Variants in MORC1 observed in about 807,000 individuals in gnomAD.
The protein encoded by MORC1 is MORC family CW-type zinc finger protein 1.
MORC1 carries 59 observed loss-of-function variants against 134.9 expected under a neutral mutation model. The observed-to-expected ratio is 0.44, with a 90% CI of 0.35 to 0.54. The LOEUF (loss-of-function observed/expected upper bound fraction) is 0.54, where lower values mean the gene tolerates loss of function less well. MORC1 is among the 20% of genes least tolerant of loss of function. MORC1 has a pLI of 0.00. For synonymous variants in MORC1, 395 were observed against 391.7 expected, an observed-to-expected ratio of 1.01 and a Z score of -0.10; for missense variants, 947 against 1,134.5, an observed-to-expected ratio of 0.83 and a Z score of 2.37.
chr3:109,111,560 A>G (rs989572051), intron 2 of MORC1, among the ~76,000 whole-genome samples: 34 of 152,310 alleles, frequency 2.2e-4, no homozygotes, highest in African/African-American at 7.9e-4. Context: ...ATTATTTTTA[A>G]AAGTAAAATT....
chr3:109,068,814 G>A (rs115602469), intron 9 of MORC1, among the ~76,000 whole-genome samples: 1 of 152,150 alleles, frequency 6.6e-6, no homozygotes, highest in Non-Finnish European at 1.5e-5. Context: ...GGCATGCATG[G>A]TTGGAAAAAA....
At chr3:109,005,966 T>C (rs929680983) in intron 18 of MORC1, among the ~76,000 whole-genome samples, 1 of 152,158 alleles carries the variant, frequency 6.6e-6, no homozygotes, top group Admixed American at 6.5e-5. Flanking sequence ...CACCAACATT[T>C]TGTAAAGTTA....
rs538930292 is a variant in MORC1 at position 108,969,819 on chromosome 3, A to T, written c.2551-97T>A. On this transcript the variant is annotated intron_variant, in intron 25 of 27. Coordinates refer to ENST00000232603, the MANE Select transcript of MORC1 (RefSeq NM_014429.4). ...CACACAAGCATTGAGTATAAAAAGCATCAAAGCCTAGAACTGGCCAACATT... is the reference window on the plus strand; with the variant it reads ...CACACAAGCATTGAGTATAAAAAGCTTCAAAGCCTAGAACTGGCCAACATT... 546 of 1,235,750 alleles carry T rather than the reference A, an allele frequency of 4.4e-4. 8 individuals carry two copies. The South Asian group carries it at 6.5e-3, about 15-fold the overall frequency. The allele number at this position is 1,235,750 out of a possible 1,614,324, so 76.5% of individuals were successfully genotyped here. A position where few individuals can be genotyped will look rare whatever the true frequency, so the allele number is the denominator to read the frequency against.
intron 17 of MORC1, among the ~76,000 whole-genome samples, chr3:109,022,356 T>C (rs747020986): frequency 6.6e-6 from 1 of 152,232 alleles, no homozygotes; most frequent in African/African-American, 2.4e-5. Context: ...AGATACGCCA[T>C]TCAATCTGAA....
At position 109,007,039 on chromosome 3, in the gene MORC1, G is replaced by T; in HGVS notation, c.1757C>A (p.Ser586Ter). 1 of 1,611,810 alleles carries T rather than the reference G, an allele frequency of 6.2e-7. No individual in the cohort carries two copies. The change falls in exon 18 of 28, where the codon TCA (serine) becomes TAA (stop). Residue 586 changes from serine (S) to a stop codon, truncating the protein, a stop_gained. Transcript: ENST00000232603. LOFTEE classifies it high-confidence loss of function. Reference protein sequence around the residue: ...EITVTSTCLTSAHKENTKTQK... With the variant: ...EITVTSTCLT ...ATATTAATTACTCACCTTATGTGCT[G>T]AAGTTAGGCAGGTGGAAGTGACAGT...
chr3:108,992,068 C>G lies in MORC1; in HGVS notation c.2188-5119G>C, dbSNP rs1003443611. Among the ~76,000 whole-genome samples the G allele has an allele frequency of 6.6e-5, 10 of 151,938 alleles. 1 individual carries two copies. Among genetic ancestry groups the G allele is most frequent in the African/African-American group, 2.2e-4 (9 of 41,358 alleles). On this transcript the variant is annotated intron_variant, in intron 21 of 27. Coordinates refer to ENST00000232603, the MANE Select transcript of MORC1 (RefSeq NM_014429.4). ...ACAAAATATCCATGATTAAGTGTTC[C>G]TTCTTAAAACCATCCCTAGGCCCTG...
At position 109,044,713 on chromosome 3, in the gene MORC1, G is replaced by A. The variant is rs139201828; in HGVS notation, c.1331-9245C>T. 5.1e-3 allele frequency among the ~76,000 whole-genome samples: 772 copies of A among 152,130 alleles called. 15 individuals are homozygous for A. The highest frequency in any genetic ancestry group is 0.018 in the African/African-American group (743 of 41,532). On this transcript the variant is annotated intron_variant, in intron 14 of 27. Transcript: ENST00000232603. ...TAATCCCAGCACTTTGGGAAGCTGA[G>A]GTGAGCAGCTCATTCAAGGTCAGGA...
intron 24 of MORC1, among the ~76,000 whole-genome samples, chr3:108,975,284 GTAA>G (rs1219789820): frequency 6.6e-6 from 1 of 152,188 alleles, no homozygotes; most frequent in African/African-American, 2.4e-5. Context: ...TGGCACAGTT[GTAA>G]TAATGTTTTT....
chr3:109,037,567 T>A (rs1185660042), intron 14 of MORC1, among the ~76,000 whole-genome samples: 1 of 152,196 alleles, frequency 6.6e-6, no homozygotes, highest in African/African-American at 2.4e-5. Flanking sequence ...CATTAGGTAT[T>A]TCTCCTAATA....
At chr3:108,978,016 T>C (rs1390107472) in intron 24 of MORC1, among the ~76,000 whole-genome samples, 1 of 152,182 alleles carries the variant, frequency 6.6e-6, no homozygotes, top group African/African-American at 2.4e-5. Context: ...CAGCTGGGAC[T>C]ACAGGCGCCT....
intron 20 of MORC1, 41 bp from the exon 21 acceptor site, chr3:109,000,699 G>A (rs1948381562): frequency 1.0e-5 from 15 of 1,431,402 alleles, no homozygotes; most frequent in Middle Eastern, 1.8e-4. Flanking sequence ...AGGATTAGTG[G>A]CAATCAATGG....
intron 3 of MORC1, among the ~76,000 whole-genome samples, chr3:109,107,097 G>C (rs569014395): frequency 1.2e-4 from 18 of 152,154 alleles, no homozygotes; most frequent in African/African-American, 4.3e-4. Flanking sequence ...CCATATTCCA[G>C]TTGCTGCACA....
chr3:109,045,747 C>A (rs1011224152), intron 14 of MORC1, among the ~76,000 whole-genome samples: 1 of 152,110 alleles, frequency 6.6e-6, no homozygotes, highest in Non-Finnish European at 1.5e-5. Context: ...TGTTATGAGT[C>A]CAGTCAGTGG....
intron 9 of MORC1, among the ~76,000 whole-genome samples, chr3:109,065,681 G>A (rs1444408017): frequency 6.6e-6 from 1 of 152,132 alleles, no homozygotes; most frequent in Non-Finnish European, 1.5e-5. Context: ...CCTTTGTTAA[G>A]AGGAACTAAC....
At chr3:109,085,149 T>A (rs1164430583) in intron 8 of MORC1, among the ~76,000 whole-genome samples, 1 of 152,038 alleles carries the variant, frequency 6.6e-6, no homozygotes, top group Non-Finnish European at 1.5e-5. Context: ...TGTGTCTGTG[T>A]GTGTGTGTCT....
intron 21 of MORC1, among the ~76,000 whole-genome samples, chr3:108,989,793 C>T (rs1030381709): frequency 6.6e-6 from 1 of 152,158 alleles, no homozygotes; most frequent in Non-Finnish European, 1.5e-5. Flanking sequence ...CCCCTTCAGT[C>T]AGTAATTTAT....
At chr3:109,062,135 T>A (rs957316076) in intron 10 of MORC1, 77 bp from the exon 11 acceptor site, 2 of 1,295,932 alleles carry the variant, frequency 1.5e-6, no homozygotes, top group South Asian at 2.4e-5. Flanking sequence ...TCTATACATG[T>A]AGCATGACCA....
At chr3:109,102,457 G>T (rs188925577) in intron 4 of MORC1, among the ~76,000 whole-genome samples, 249 of 152,244 alleles carry the variant, frequency 1.6e-3, no homozygotes, top group Middle Eastern at 6.8e-3. Flanking sequence ...GTGGGGAATG[G>T]ACTATAAAGG....
chr3:109,096,473 A>C (rs940969734), intron 6 of MORC1, among the ~76,000 whole-genome samples: 3 of 152,216 alleles, frequency 2.0e-5, no homozygotes, highest in Non-Finnish European at 2.9e-5. Flanking sequence ...ATGTATCAGC[A>C]TGCTAAAAGG....
Sources: gnomAD v4.1 joint callset for allele counts (sites outside exome capture counted in the v4.1 genomes callset) on GRCh38, gnomAD v4.1.1 for gene constraint, MANE v1.5 for transcripts, NCBI Gene and HGNC (gene_info 2026-07-23, HGNC 2026-07-21) for gene names.